HPD: variants seen among roughly 807,000 people sequenced by gnomAD.
HPD encodes the protein 4-hydroxyphenylpyruvate dioxygenase.
In HPD, 35 loss-of-function variants were observed where a neutral mutation model predicts 56.9. That is an observed-to-expected ratio of 0.62 (90% CI 0.47 to 0.82). HPD has a LOEUF of 0.82. HPD is among the 40% of genes least tolerant of loss of function. The pLI, the probability that HPD is intolerant of heterozygous loss-of-function variation, is 0.00. For missense variants in HPD, 442 were observed against 506.8 expected (o/e 0.87, Z 1.23); for synonymous variants, 186 against 200.2 (o/e 0.93, Z 0.60).
Position 121,843,844 on chromosome 12 carries a change from C to T in HPD, c.832-12G>A, listed in dbSNP as rs1331841852. The T allele has an allele frequency of 3.1e-6, 5 of 1,614,036 alleles. No homozygotes were observed. Among genetic ancestry groups the T allele is most frequent in the Non-Finnish European group, 4.2e-6 (5 of 1,179,978 alleles). On this transcript the variant is annotated splice_polypyrimidine_tract_variant and intron_variant, in intron 11 of 13. Coordinates refer to ENST00000289004, the MANE Select transcript of HPD (RefSeq NM_002150.3). ...CTCAAGTGGCGAATCTGTTTCAGAG[C>T]AAAGCTGAGGTCAGCCTTCGGCCTC... is the stretch of plus-strand genomic sequence containing the variant.
chr12:121,857,419 T>C lies in HPD; in HGVS notation c.107A>G (p.Tyr36Cys), dbSNP rs1878043808. ...AGGTTCAAAGCCCATCTTGCTGCAG[T>C]AGAATGACGTGGCCTGAATCACAGG... ...VGNAKQATSF[Y>C]CSKMGFEPLA... The change falls in exon 4 of 14, where the codon TAC becomes TGC. Residue 36 changes from tyrosine to cysteine, a missense_variant. Physicochemically the swap from Tyr to Cys is radical, Grantham distance 194. Transcript: ENST00000289004. The C allele has an allele frequency of 3.7e-6, 6 of 1,610,552 alleles. No individual in the cohort carries two copies. The highest frequency in any genetic ancestry group is 5.1e-6 in the Non-Finnish European group (6 of 1,176,868).
At chr12:121,844,526 T>C (rs941361709) in intron 11 of HPD, among the ~76,000 whole-genome samples, 1 of 150,300 alleles carries the variant, frequency 6.7e-6, no homozygotes, top group Non-Finnish European at 1.5e-5. Context: ...GGCGGGCAGA[T>C]CACTTGAAGT....
At chr12:121,850,605 C>T (rs577419754) in intron 7 of HPD, among the ~76,000 whole-genome samples, 1 of 149,234 alleles carries the variant, frequency 6.7e-6, no homozygotes, top group South Asian at 2.1e-4. Context: ...TCCTGAGTAG[C>T]TGGGATTATA....
the HPD span, among the ~76,000 whole-genome samples, chr12:121,876,049 C>G: frequency 4.6e-5 from 7 of 152,248 alleles, no homozygotes; most frequent in Admixed American, 4.6e-4. Flanking sequence ...TGGTGGCTCA[C>G]GCCTGTAATC....
chr12:121,878,533 G>T, the HPD span, among the ~76,000 whole-genome samples: 1 of 152,092 alleles, frequency 6.6e-6, no homozygotes, highest in Non-Finnish European at 1.5e-5. Flanking sequence ...ATTTTTAGTA[G>T]AGATGAGGTT....
At chr12:121,881,634 TTG>T in the HPD span, among the ~76,000 whole-genome samples, 1 of 151,532 alleles carries the variant, frequency 6.6e-6, no homozygotes, top group Non-Finnish European at 1.5e-5. Context: ...TCCCATGACT[TTG>T]TTTTTTTGTT....
At position 121,839,734 on chromosome 12, in the gene HPD, GCCGGGCACCACCCCATT is replaced by G; in HGVS notation, c.1159_1175del (p.Asn387HisfsTer48). On this transcript the variant is annotated frameshift_variant, in exon 14 of 14. Transcript: ENST00000289004. LOFTEE classifies it high-confidence loss of function. ...TCCGTGGGGTGGGCGGGGCTTACAT[GCCGGGCACCACCCCATT>G]GGTCTCCATGTTGGTGAGGTTACCC... The G allele has an allele frequency of 6.2e-7, 1 of 1,610,502 alleles. No homozygotes were observed. The highest frequency in any genetic ancestry group is 8.5e-7 in the Non-Finnish European group (1 of 1,176,662).
chr12:121,857,864 T>C (rs369770983), intron 2 of HPD, 45 bp from the exon 3 acceptor site: 1 of 1,497,582 alleles, frequency 6.7e-7, no homozygotes, highest in Non-Finnish European at 9.3e-7. Context: ...TGAAAGTGAG[T>C]CTAGAAAAGT....
chr12:121,860,868 T>C (rs1343483074), upstream of HPD, among the ~76,000 whole-genome samples: 3 of 151,980 alleles, frequency 2.0e-5, no homozygotes, highest in Non-Finnish European at 4.4e-5. Flanking sequence ...ATCACGCCAC[T>C]GCACTCTAGC....
rs200010805 is a variant in HPD at position 121,843,750 on chromosome 12, G to A, written c.914C>T (p.Thr305Met). The change falls in exon 12 of 14, where the codon ACG becomes ATG. Residue 305 changes from threonine (T) to methionine (M), a missense_variant. Transcript: ENST00000289004. ...GTTCTCCTTCACCTTGATCTTGGCCGTCTTCAGCTTCTCCCGCAGTTGTTT... is the reference window on the plus strand; with the variant it reads ...GTTCTCCTTCACCTTGATCTTGGCCATCTTCAGCTTCTCCCGCAGTTGTTT... ...YYKQLREKLK[T>M]AKIKVKENID... is the part of the protein sequence containing the mutation. 78 of 1,614,108 alleles carry A rather than the reference G, an allele frequency of 4.8e-5. No individual in the cohort carries two copies. The highest frequency in any genetic ancestry group is 8.0e-5 in the African/African-American group (6 of 75,022).
chr12:121,877,473 T>A, the HPD span, among the ~76,000 whole-genome samples: 2 of 151,940 alleles, frequency 1.3e-5, no homozygotes, highest in African/African-American at 4.8e-5. Context: ...GGTTCACGCC[T>A]GTAGTCCCAG....
At chr12:121,857,247 T>G in intron 4 of HPD, 81 bp downstream of exon 4, 1 of 943,160 alleles carries the variant, frequency 1.1e-6, no homozygotes, top group South Asian at 1.3e-5. Flanking sequence ...GCCCAGCTAA[T>G]TTTTCTATTT....
chr12:121,856,879 A>G, intron 4 of HPD: 4 of 567,314 alleles, frequency 7.1e-6, no homozygotes, highest in Admixed American at 3.0e-5. Flanking sequence ...CAGGGACCCC[A>G]TCGGTCAGGG....
At chr12:121,841,088 G>T (rs1228215910) in intron 12 of HPD, among the ~76,000 whole-genome samples, 1 of 151,990 alleles carries the variant, frequency 6.6e-6, no homozygotes, top group Non-Finnish European at 1.5e-5. Flanking sequence ...TGTTATCCCA[G>T]CTACTCAGGA....
the HPD span, among the ~76,000 whole-genome samples, chr12:121,870,813 C>T: frequency 3.9e-5 from 6 of 151,924 alleles, no homozygotes; most frequent in Admixed American, 3.3e-4. Flanking sequence ...TCAGGCTGGT[C>T]GTGAACTCCC....
At chr12:121,843,001 C>T (rs1244812094) in intron 12 of HPD, among the ~76,000 whole-genome samples, 1 of 152,084 alleles carries the variant, frequency 6.6e-6, no homozygotes, top group African/African-American at 2.4e-5. Flanking sequence ...CCGCCTCGGC[C>T]TCCCAAAGTA....
chr12:121,880,134 G>A, the HPD span, among the ~76,000 whole-genome samples: 1 of 148,332 alleles, frequency 6.7e-6, no homozygotes, highest in Middle Eastern at 3.5e-3. Context: ...GTGACAGAGC[G>A]AGACCCTGTA....
At chr12:121,870,063 C>A in the HPD span, among the ~76,000 whole-genome samples, 2 of 151,738 alleles carry the variant, frequency 1.3e-5, no homozygotes, top group African/African-American at 2.4e-5. Context: ...CAGGCATGAA[C>A]CACCACACCC....
At chr12:121,850,285 GGTGGC>G (rs1877722309) in intron 7 of HPD, among the ~76,000 whole-genome samples, 1 of 151,724 alleles carries the variant, frequency 6.6e-6, no homozygotes, top group Non-Finnish European at 1.5e-5. Flanking sequence ...AGCCGGGTGT[GGTGGC>G]GTGGCGGGTG....
Sources: allele counts gnomAD v4.1 joint callset (sites outside exome capture counted in the v4.1 genomes callset), GRCh38; gene constraint gnomAD v4.1.1; transcripts MANE v1.5; gene names NCBI Gene and HGNC (gene_info 2026-07-23, HGNC 2026-07-21).